Variants in GIT2 observed in about 807,000 individuals in gnomAD.
GIT2 encodes GIT ArfGAP 2.
A neutral mutation model predicts 100.3 loss-of-function variants in GIT2; 32 were observed. The ratio of observed to expected loss-of-function variants is 0.32; its 90% CI spans 0.24 to 0.43. The LOEUF (loss-of-function observed/expected upper bound fraction) is 0.43. Ranked by LOEUF, GIT2 falls within the 20% of genes least tolerant of loss-of-function variation. GIT2 has a pLI of 1.00. For synonymous variants in GIT2, 353 were observed against 364.1 expected, an observed-to-expected ratio of 0.97 and a Z score of 0.35; for missense variants, 737 against 975.1, an observed-to-expected ratio of 0.76 and a Z score of 3.25.
At chr12:109,967,337 T>A in intron 8 of GIT2, 121 bp downstream of exon 8, 2 of 1,597,606 alleles carry the variant, frequency 1.3e-6, no homozygotes, top group Middle Eastern at 3.7e-4. Flanking sequence ...CCAAATGGTA[T>A]AGCCATAAAA....
chr12:109,995,282 T>C (rs1049940132), intron 1 of GIT2, among the ~76,000 whole-genome samples: 1 of 152,098 alleles, frequency 6.6e-6, no homozygotes, highest in Non-Finnish European at 1.5e-5. Context: ...TATGAAGGAA[T>C]GGCTTTAGCG....
intron 7 of GIT2, among the ~76,000 whole-genome samples, chr12:109,970,636 T>C (rs1883622714): frequency 6.6e-6 from 1 of 152,264 alleles, no homozygotes; most frequent in Non-Finnish European, 1.5e-5. Context: ...CAATGGTCTA[T>C]ATGTCTATCT....
chr12:109,968,219 T>C (rs1258040410), intron 7 of GIT2, among the ~76,000 whole-genome samples: 1 of 152,242 alleles, frequency 6.6e-6, no homozygotes, highest in African/African-American at 2.4e-5. Flanking sequence ...AGTTGCTTCC[T>C]GTCTTTCCCA....
intron 7 of GIT2, 105 bp from the exon 8 acceptor site, chr12:109,967,608 G>T: frequency 1.2e-6 from 1 of 813,542 alleles, no homozygotes; most frequent in South Asian, 1.4e-5. Context: ...ATTAGTATTT[G>T]TGCATAATGA....
At chr12:109,936,575 T>A (rs1446803293) in intron 18 of GIT2, among the ~76,000 whole-genome samples, 2 of 152,114 alleles carry the variant, frequency 1.3e-5, no homozygotes, top group African/African-American at 2.4e-5. Flanking sequence ...TTAAACGCTG[T>A]CAAAAACTTT....
intron 9 of GIT2, among the ~76,000 whole-genome samples, chr12:109,963,443 G>A (rs1261570784): frequency 6.6e-6 from 1 of 152,168 alleles, no homozygotes; most frequent in Non-Finnish European, 1.5e-5. Context: ...CCCAGGCACT[G>A]TGCTAACAGT....
chr12:109,958,390 T>C (rs1180611323), intron 12 of GIT2, among the ~76,000 whole-genome samples: 1 of 151,806 alleles, frequency 6.6e-6, no homozygotes, highest in Non-Finnish European at 1.5e-5. Flanking sequence ...TATACGCGCG[T>C]ACCACCACGC....
In GIT2 at chr12:109,934,077, G is replaced by T; in HGVS notation, c.2012C>A (p.Pro671His). The stretch of plus-strand genomic sequence containing the variant: ...AGCTACGTGTATCCTCTCTGAGCAG[G>T]GAATATAACTGCAAGAATATTGAAG... ...AQENKHDSYI[P>H]CSERIHVAVT... is the part of the protein sequence containing the mutation. Residue 671 changes from proline to histidine, a missense_variant, in exon 19 of 20, where the codon CCC becomes CAC. Physicochemically the swap from Pro to His is moderately conservative, Grantham distance 77. Transcript: ENST00000355312. The surrounding 1 kb of genome is among the most constrained non-coding windows in gnomAD (Gnocchi z 4.5). The T allele has an allele frequency of 1.9e-6, 3 of 1,552,656 alleles. No homozygotes were observed. Among genetic ancestry groups the T allele is most frequent in the Non-Finnish European group, 2.7e-6 (3 of 1,123,986 alleles).
At position 109,987,626 on chromosome 12, in the gene GIT2, C is replaced by T. The variant is rs188364955; in HGVS notation, c.405+1337G>A. ...GTACTACAGGCACGGCCACCATACC[C>T]GGCTAAAATTGTTATATTCTTTGTA... On this transcript the variant is annotated intron_variant, in intron 4 of 19. Coordinates refer to ENST00000355312, the MANE Select transcript of GIT2 (RefSeq NM_057169.5). 6.2e-4 allele frequency among the ~76,000 whole-genome samples: 94 copies of T among 151,786 alleles called. 1 individual carries two copies. The highest frequency in any genetic ancestry group is 2.0e-3 in the African/African-American group (84 of 41,442).
intron 4 of GIT2, among the ~76,000 whole-genome samples, chr12:109,987,200 G>A (rs1887572650): frequency 1.3e-5 from 2 of 151,178 alleles, no homozygotes; most frequent in South Asian, 4.2e-4. Flanking sequence ...GGCTAACATG[G>A]TGAAACCCTG....
intron 17 of GIT2, chr12:109,938,908 G>A (rs1873806774): frequency 2.0e-6 from 1 of 489,420 alleles, no homozygotes; most frequent in East Asian, 3.5e-5. Context: ...TCATGATGAA[G>A]TGGGGTAATG....
chr12:109,999,633 C>A, upstream of GIT2: 1 of 1,433,296 alleles, frequency 7.0e-7, no homozygotes, highest in Non-Finnish European at 9.3e-7. This position sits in a 1 kb window ranked among gnomAD's most constrained non-coding sequence, Gnocchi z 4.3. Flanking sequence ...GCGGGAGACC[C>A]CGCCGGGGCC....
intron 7 of GIT2, among the ~76,000 whole-genome samples, chr12:109,973,068 T>C (rs1037710455): frequency 1.3e-5 from 2 of 152,058 alleles, no homozygotes; most frequent in Non-Finnish European, 2.9e-5. Flanking sequence ...CCTCAAACAA[T>C]CCTCCTACTT....
At chr12:109,997,541 T>A (rs1593186121), upstream of GIT2, 1 of 152,220 alleles carries the variant, frequency 6.6e-6, no homozygotes, top group African/African-American at 2.4e-5. Context: ...GATTTTTACA[T>A]TTTTAAAGGG....
Position 109,945,343 on chromosome 12 carries a change from T to A in GIT2, c.1648A>T (p.Arg550Trp). The A allele has an allele frequency of 6.7e-7, 1 of 1,495,222 alleles. No homozygotes were observed. The allele number at this position is 1,495,222 out of a possible 1,614,324, so 92.6% of individuals were successfully genotyped here. Residue 550 changes from arginine (R) to tryptophan (W), a missense_variant, in exon 16 of 20, where the codon AGG becomes TGG. Arg to Trp is a moderately radical substitution (Grantham distance 101). Transcript: ENST00000355312. ...RLQPFPAHIGRSALVTSSSSL... is the reference protein window; with the variant it reads ...RLQPFPAHIGWSALVTSSSSL... ...GAAGAGGAGGTCACAAGTGCACTCCTCCCGATCTGGAATGGGAAAGAGAAA... is the reference window on the plus strand; with the variant it reads ...GAAGAGGAGGTCACAAGTGCACTCCACCCGATCTGGAATGGGAAAGAGAAA...
intron 13 of GIT2, 97 bp downstream of exon 13, chr12:109,952,995 G>C: frequency 8.2e-7 from 1 of 1,212,468 alleles, no homozygotes; most frequent in Non-Finnish European, 1.2e-6. Context: ...CTTGGCCTGA[G>C]CTAGTAACAA....
intron 18 of GIT2, 57 bp downstream of exon 18, chr12:109,938,323 C>G (rs139720758): frequency 2.9e-5 from 37 of 1,258,868 alleles, no homozygotes; most frequent in Middle Eastern, 2.0e-4. Context: ...TGGGCATCAT[C>G]CCTTTCTGGG....
At chr12:109,952,302 G>C (rs2136284200) in intron 13 of GIT2, among the ~76,000 whole-genome samples, 1 of 152,238 alleles carries the variant, frequency 6.6e-6, no homozygotes, top group South Asian at 2.1e-4. Context: ...CACAGCCTGG[G>C]GTCCTGCTGC....
intron 12 of GIT2, among the ~76,000 whole-genome samples, chr12:109,954,906 A>AT (rs1878979470): frequency 6.6e-6 from 1 of 151,788 alleles, no homozygotes; most frequent in African/African-American, 2.4e-5. Flanking sequence ...CAAAAAAAAA[A>AT]AAAATAATAA....
Sources: gnomAD v4.1 joint callset for allele counts (sites outside exome capture counted in the v4.1 genomes callset) on GRCh38, gnomAD v4.1.1 for gene constraint, Gnocchi (gnomAD v3.1) non-coding constraint, MANE v1.5 for transcripts, NCBI Gene and HGNC (gene_info 2026-07-23, HGNC 2026-07-21) for gene names.